GLIS3: variants seen among roughly 807,000 people sequenced by gnomAD.
GLIS3 encodes zinc finger protein GLIS3.
In GLIS3, 53 loss-of-function variants were observed where a neutral mutation model predicts 78.6. That is an observed-to-expected ratio of 0.67 (90% confidence interval 0.54 to 0.85). The LOEUF (loss-of-function observed/expected upper bound fraction) is 0.85. Ranked by LOEUF, GLIS3 falls within the 40% of genes least tolerant of loss-of-function variation. The pLI is 0.00. For synonymous variants in GLIS3, 684 were observed against 509.9 expected (o/e 1.34, Z -4.60); for missense variants, 1,703 against 1,231.1 (o/e 1.38, Z -5.74).
chr9:4,165,997 T>A (rs1162557489), intron 2 of GLIS3, among the ~76,000 whole-genome samples: 1 of 152,080 alleles, frequency 6.6e-6, no homozygotes, highest in Non-Finnish European at 1.5e-5. Context: ...GAGCACAATA[T>A]TTAACAGGAC....
chr9:4,141,745 T>C (rs1833833883), intron 2 of GLIS3, among the ~76,000 whole-genome samples: 1 of 152,260 alleles, frequency 6.6e-6, no homozygotes, highest in South Asian at 2.1e-4. Context: ...TATCTACCTT[T>C]TGGCTCAGAA....
chr9:4,133,844 ACACACACACACAC>A (rs1833168402), intron 2 of GLIS3, among the ~76,000 whole-genome samples: 2 of 59,730 alleles, frequency 3.3e-5, no homozygotes, highest in Non-Finnish European at 6.8e-5. Flanking sequence ...ACACACACAC[ACACACACACACAC>A]ACACACACAC....
the GLIS3 span, among the ~76,000 whole-genome samples, chr9:4,476,285 T>C: frequency 1.4e-3 from 209 of 152,354 alleles, no homozygotes; most frequent in Non-Finnish European, 2.6e-3. Context: ...AATTTGATTA[T>C]ATATCTTTAC....
intron 2 of GLIS3, among the ~76,000 whole-genome samples, chr9:4,321,707 T>G (rs1242706215): frequency 1.4e-5 from 2 of 145,610 alleles, no homozygotes; most frequent in Admixed American, 1.3e-4. Flanking sequence ...TTGTGTTTAT[T>G]TTTATTGGCA....
At chr9:3,879,190 T>C (rs949620711) in intron 8 of GLIS3, among the ~76,000 whole-genome samples, 6 of 152,308 alleles carry the variant, frequency 3.9e-5, no homozygotes, top group African/African-American at 1.4e-4. Context: ...GTTTCCAGCA[T>C]CTGAAACTTT....
chr9:3,856,327 T>A lies in GLIS3; in HGVS notation c.2298-143A>T, dbSNP rs1307104164. The A allele has an allele frequency of 6.7e-6, 5 of 745,838 alleles. No homozygotes were observed. The East Asian group carries it at 1.1e-4, about 16-fold the overall frequency. The allele number at this position is 745,838 out of a possible 1,614,324, so 46.2% of individuals were successfully genotyped here. On this transcript the variant is annotated intron_variant, in intron 8 of 10. Coordinates refer to ENST00000381971, the MANE Select transcript of GLIS3 (RefSeq NM_001042413.2). ...CCTTTTAAAAAAAAATCTTTCAGGA[T>A]TTTTCTCTACCCTCTCTCCCTCCCC...
intron 2 of GLIS3, among the ~76,000 whole-genome samples, chr9:4,330,805 G>A (rs1417038857): frequency 2.0e-5 from 3 of 152,122 alleles, no homozygotes; most frequent in African/African-American, 4.8e-5. Context: ...AAATGCAATC[G>A]ATGCTGAGAG....
chr9:4,364,799 A>G, the GLIS3 span, among the ~76,000 whole-genome samples: 4 of 89,340 alleles, frequency 4.5e-5, no homozygotes, highest in South Asian at 8.0e-4. Flanking sequence ...GGGTCCTGCT[A>G]TGTTGCCCTA....
At chr9:3,829,673 T>C (rs977336801) in intron 9 of GLIS3, among the ~76,000 whole-genome samples, 181 bp from the exon 10 acceptor site, 1 of 152,184 alleles carries the variant, frequency 6.6e-6, no homozygotes, top group African/African-American at 2.4e-5. Context: ...GAAGCTCTTC[T>C]ACCTTAGAGG....
intron 4 of GLIS3, among the ~76,000 whole-genome samples, chr9:4,097,903 T>C (rs1419935672): frequency 1.3e-5 from 2 of 152,200 alleles, no homozygotes; most frequent in Non-Finnish European, 2.9e-5. Flanking sequence ...TTCTAACATA[T>C]TTTCAATTTT....
At chr9:4,133,163 C>G (rs570634789) in intron 2 of GLIS3, among the ~76,000 whole-genome samples, 28 of 152,276 alleles carry the variant, frequency 1.8e-4, no homozygotes, top group African/African-American at 6.5e-4. Flanking sequence ...TTTTGTATTA[C>G]AGTATTAATT....
chr9:3,890,110 A>C (rs1164540880), intron 7 of GLIS3, among the ~76,000 whole-genome samples: 2 of 152,196 alleles, frequency 1.3e-5, no homozygotes, highest in Non-Finnish European at 2.9e-5. Context: ...AAAACAAGGA[A>C]TATGTAAAAT....
At chr9:4,090,734 G>A (rs1829426846) in intron 4 of GLIS3, among the ~76,000 whole-genome samples, 1 of 152,198 alleles carries the variant, frequency 6.6e-6, no homozygotes. Context: ...ATAAGGCCCA[G>A]GGAAGAAGAG....
intron 4 of GLIS3, among the ~76,000 whole-genome samples, chr9:3,967,752 A>T (rs1238477021): frequency 6.6e-6 from 1 of 152,150 alleles, no homozygotes; most frequent in Non-Finnish European, 1.5e-5. Flanking sequence ...CATGAGAAAG[A>T]TGGATAATAT....
intron 3 of GLIS3, among the ~76,000 whole-genome samples, chr9:4,122,696 A>C (rs1832279035): frequency 6.6e-6 from 1 of 152,208 alleles, no homozygotes; most frequent in African/African-American, 2.4e-5. Flanking sequence ...TGCATGTGAA[A>C]ACACTAGAAA....
intron 4 of GLIS3, among the ~76,000 whole-genome samples, chr9:4,077,009 A>G (rs1177237844): frequency 1.3e-5 from 2 of 152,218 alleles, no homozygotes; most frequent in Non-Finnish European, 2.9e-5. Context: ...CCGTGAGCTG[A>G]GCTCAAGCCT....
chr9:4,215,071 G>A (rs1820696768), intron 2 of GLIS3, among the ~76,000 whole-genome samples: 3 of 152,214 alleles, frequency 2.0e-5, no homozygotes, highest in Admixed American at 6.5e-5. Context: ...ACTTGATGGT[G>A]CAGAGATTCA....
At chr9:4,389,304 G>C in the GLIS3 span, among the ~76,000 whole-genome samples, 1 of 152,172 alleles carries the variant, frequency 6.6e-6, no homozygotes. Context: ...CTTCATCTAG[G>C]TTGCTAATTC....
intron 4 of GLIS3, among the ~76,000 whole-genome samples, chr9:4,014,870 A>G (rs62521660): frequency 0.017 from 2,594 of 152,294 alleles, 37 homozygotes; most frequent in South Asian, 0.042. Context: ...GGACAATTCA[A>G]CCATTCACTC....
Sources: gnomAD v4.1 joint callset for allele counts (sites outside exome capture counted in the v4.1 genomes callset) on GRCh38, gnomAD v4.1.1 for gene constraint, MANE v1.5 for transcripts, NCBI Gene and HGNC (gene_info 2026-07-23, HGNC 2026-07-21) for gene names.